The following NCK1 variants were observed in gnomAD, a reference collection of about 807,000 sequenced individuals.
NCK1 encodes the protein SH2/SH3 adapter protein NCK1.
NCK1 carries 19 observed loss-of-function variants against 36.6 expected under a neutral mutation model. The ratio of observed to expected loss-of-function variants is 0.52; its 90% CI spans 0.36 to 0.76. The LOEUF (loss-of-function observed/expected upper bound fraction) is 0.76. Among genes scored for constraint, NCK1 ranks in the 30% least tolerant of loss-of-function variants. The pLI, the probability that NCK1 is intolerant of heterozygous loss-of-function variation, is 0.00. For missense variants in NCK1, 358 were observed against 445.6 expected, an observed-to-expected ratio of 0.80 and a Z score of 1.77; for synonymous variants, 165 against 156.0, an observed-to-expected ratio of 1.06 and a Z score of -0.43.
At chr3:136,897,089 T>TTTTA (rs1939409781) in intron 1 of NCK1, among the ~76,000 whole-genome samples, 1 of 152,096 alleles carries the variant, frequency 6.6e-6, no homozygotes, top group Non-Finnish European at 1.5e-5. Flanking sequence ...TTTGTTTTAC[T>TTTTA]TTTATTTATT....
intron 1 of NCK1, among the ~76,000 whole-genome samples, chr3:136,926,827 A>T (rs1940253116): frequency 6.6e-6 from 1 of 152,068 alleles, no homozygotes; most frequent in Admixed American, 6.5e-5. Context: ...GAACATTGAG[A>T]CATTCTTTAT....
Position 136,924,239 on chromosome 3 carries a change from G to A in NCK1, c.-18-3745G>A, listed in dbSNP as rs866214986. Among the ~76,000 whole-genome samples, 263 of 152,228 alleles carry A rather than the reference G, an allele frequency of 1.7e-3. 1 individual carries two copies. Among genetic ancestry groups the A allele is most frequent in the African/African-American group, 5.3e-3 (220 of 41,526 alleles). On this transcript the variant is annotated intron_variant, in intron 1 of 3. Transcript: ENST00000481752. The stretch of plus-strand genomic sequence containing the variant: ...TAACAAGTACACAAGAATACTTAAC[G>A]AATTATTCTTGCAACAATGACAAAA...
intron 1 of NCK1, among the ~76,000 whole-genome samples, chr3:136,888,595 G>A (rs1297983785): frequency 6.6e-6 from 1 of 151,032 alleles, no homozygotes; most frequent in Non-Finnish European, 1.5e-5. Flanking sequence ...GTAGAGACGG[G>A]GTTTCACCAT....
chr3:136,915,883 G>C (rs551537276), intron 1 of NCK1, among the ~76,000 whole-genome samples: 1 of 151,956 alleles, frequency 6.6e-6, no homozygotes, highest in Non-Finnish European at 1.5e-5. Flanking sequence ...GCATCACCAC[G>C]CCTGGCTAAC....
chr3:136,883,873 G>T (rs1185914272), intron 1 of NCK1, among the ~76,000 whole-genome samples: 1 of 152,130 alleles, frequency 6.6e-6, no homozygotes, highest in Non-Finnish European at 1.5e-5. Flanking sequence ...GTGACTTAAG[G>T]GGAGCCTGGG....
chr3:136,885,962 C>A (rs1008033901), intron 1 of NCK1, among the ~76,000 whole-genome samples: 1 of 152,118 alleles, frequency 6.6e-6, no homozygotes, highest in Admixed American at 6.5e-5. Context: ...CTGATCTGAA[C>A]GTGTACAAAA....
At chr3:136,899,629 C>A in intron 1 of NCK1, 1 of 679,966 alleles carries the variant, frequency 1.5e-6, no homozygotes, top group South Asian at 1.5e-5. Context: ...TTTCTTTTCC[C>A]TTGAATACCA....
At chr3:136,905,649 G>A (rs1336038852) in intron 1 of NCK1, among the ~76,000 whole-genome samples, 3 of 152,108 alleles carry the variant, frequency 2.0e-5, no homozygotes, top group Non-Finnish European at 2.9e-5. Context: ...CCCTGAGACA[G>A]GGTCTCACTC....
chr3:136,930,668 A>G, intron 2 of NCK1: 2 of 1,240,762 alleles, frequency 1.6e-6, no homozygotes, highest in Admixed American at 6.1e-5. Flanking sequence ...TGTAAATTTA[A>G]AGGAAAACTC....
intron 2 of NCK1, among the ~76,000 whole-genome samples, chr3:136,932,021 G>A (rs1940404039): frequency 6.6e-6 from 1 of 151,560 alleles, no homozygotes; most frequent in Non-Finnish European, 1.5e-5. Flanking sequence ...TTGGGAAGCT[G>A]AGGCAGGAGA....
At chr3:136,907,644 C>T (rs1157772648) in intron 1 of NCK1, among the ~76,000 whole-genome samples, 1 of 152,198 alleles carries the variant, frequency 6.6e-6, no homozygotes, top group Non-Finnish European at 1.5e-5. Flanking sequence ...CTGCTGAATT[C>T]CAGTGTTCTC....
At chr3:136,870,405 G>A (rs1026534276) in intron 1 of NCK1, among the ~76,000 whole-genome samples, 13 of 151,678 alleles carry the variant, frequency 8.6e-5, no homozygotes, top group African/African-American at 1.5e-4. Flanking sequence ...ATGTTAGTGT[G>A]TAGATCAATT....
At chr3:136,900,045 A>T in intron 1 of NCK1, 1 of 582,856 alleles carries the variant, frequency 1.7e-6, no homozygotes, top group Non-Finnish European at 3.2e-6. Flanking sequence ...TGAGTAATTG[A>T]TTGGTTTCTT....
At chr3:136,912,250 C>T (rs1257807606) in intron 1 of NCK1, among the ~76,000 whole-genome samples, 1 of 148,914 alleles carries the variant, frequency 6.7e-6, no homozygotes, top group Non-Finnish European at 1.5e-5. Flanking sequence ...GCAACCTCTG[C>T]CTTCCAGGTT....
chr3:136,922,818 A>G (rs999025437), intron 1 of NCK1, among the ~76,000 whole-genome samples: 5 of 152,252 alleles, frequency 3.3e-5, no homozygotes, highest in African/African-American at 9.6e-5. Context: ...GCATTCTTCT[A>G]TGATTCTAAC....
chr3:136,944,112 C>CATTTTTTTTTTTTTT (rs1940747308), intron 2 of NCK1, among the ~76,000 whole-genome samples: 1 of 43,782 alleles, frequency 2.3e-5, no homozygotes, highest in Non-Finnish European at 4.6e-5. Flanking sequence ...GAAAAACAAC[C>CATTTTTTTTTTTTTT]TTTTTTTTTT....
At chr3:136,908,403 A>T (rs1939742209) in intron 1 of NCK1, among the ~76,000 whole-genome samples, 1 of 152,222 alleles carries the variant, frequency 6.6e-6, no homozygotes, top group South Asian at 2.1e-4. Flanking sequence ...AATGAGGTAA[A>T]TTTATCTGTA....
chr3:136,929,400 A>G (rs1284031586), intron 2 of NCK1, among the ~76,000 whole-genome samples: 3 of 152,228 alleles, frequency 2.0e-5, no homozygotes, highest in Non-Finnish European at 4.4e-5. Flanking sequence ...TGAGATAAAA[A>G]TATTTCCAGT....
At chr3:136,925,675 A>G (rs1236878490) in intron 1 of NCK1, among the ~76,000 whole-genome samples, 1 of 152,162 alleles carries the variant, frequency 6.6e-6, no homozygotes. Flanking sequence ...AGATTCATCC[A>G]GGTCGTTTTG....
Sources: gnomAD v4.1 joint callset for allele counts (sites outside exome capture counted in the v4.1 genomes callset) on GRCh38, gnomAD v4.1.1 for gene constraint, MANE v1.5 for transcripts, NCBI Gene and HGNC (gene_info 2026-07-23, HGNC 2026-07-21) for gene names.